Variants in NRG3 observed in about 807,000 individuals in gnomAD.
NRG3 encodes the protein neuregulin 3.
A neutral mutation model predicts 66.9 loss-of-function variants in NRG3; 31 were observed. The observed-to-expected ratio is 0.46, with a 90% CI of 0.35 to 0.63. The LOEUF (loss-of-function observed/expected upper bound fraction) is 0.63. NRG3 is among the 20% of genes least tolerant of loss of function. The pLI is 0.00. For missense variants in NRG3, 910 were observed against 878.9 expected (o/e 1.04, Z -0.45); for synonymous variants, 393 against 359.4 (o/e 1.09, Z -1.06).
chr10:82,559,281 A>G (rs554616491), intron 2 of NRG3, among the ~76,000 whole-genome samples: 5 of 152,284 alleles, frequency 3.3e-5, no homozygotes, highest in African/African-American at 9.6e-5. Context: ...AGATGTATTT[A>G]GGGAATTACC....
At chr10:82,182,665 T>G (rs1457542616) in intron 1 of NRG3, among the ~76,000 whole-genome samples, 4 of 151,980 alleles carry the variant, frequency 2.6e-5, no homozygotes, top group African/African-American at 9.6e-5. Context: ...AATTGATTTA[T>G]GCACCATGCT....
At chr10:82,907,334 G>T (rs1325594038) in intron 4 of NRG3, among the ~76,000 whole-genome samples, 1 of 152,134 alleles carries the variant, frequency 6.6e-6, no homozygotes, top group African/African-American at 2.4e-5. Flanking sequence ...ATTCTGTGGA[G>T]TTGAAGCTAT....
intron 3 of NRG3, among the ~76,000 whole-genome samples, chr10:82,786,947 C>CTT (rs1184466027): frequency 6.6e-6 from 1 of 152,070 alleles, no homozygotes; most frequent in Non-Finnish European, 1.5e-5. Context: ...AGCAAGAAGG[C>CTT]TCTCGCTGTA....
chr10:82,493,108 GT>G (rs967384460), intron 2 of NRG3, among the ~76,000 whole-genome samples: 60 of 145,878 alleles, frequency 4.1e-4, no homozygotes, highest in East Asian at 1.0e-3. Context: ...GTTCAGGTTT[GT>G]TTTTTTTTTT....
At chr10:82,010,581 C>G (rs1409888090) in intron 1 of NRG3, among the ~76,000 whole-genome samples, 1 of 152,176 alleles carries the variant, frequency 6.6e-6, no homozygotes, top group Non-Finnish European at 1.5e-5. Flanking sequence ...TGCTGATCAT[C>G]TACTGCCTAA....
At chr10:82,655,232 A>G (rs1459126301) in intron 2 of NRG3, among the ~76,000 whole-genome samples, 2 of 152,120 alleles carry the variant, frequency 1.3e-5, no homozygotes, top group African/African-American at 4.8e-5. Context: ...TAAAATTGTC[A>G]CATTTAAAAA....
chr10:82,014,556 C>T (rs1564738354), intron 1 of NRG3, among the ~76,000 whole-genome samples: 3 of 152,152 alleles, frequency 2.0e-5, no homozygotes. Context: ...CTCATATAAG[C>T]CCTATGGATC....
intron 1 of NRG3, among the ~76,000 whole-genome samples, chr10:82,309,513 A>G (rs1427359898): frequency 6.6e-6 from 1 of 152,044 alleles, no homozygotes; most frequent in Non-Finnish European, 1.5e-5. Context: ...CCCTTCACTG[A>G]TTGGCTAATG....
intron 1 of NRG3, among the ~76,000 whole-genome samples, chr10:81,897,160 A>C (rs1843603475): frequency 6.6e-6 from 1 of 152,152 alleles, no homozygotes; most frequent in African/African-American, 2.4e-5. Flanking sequence ...GGGACTGAAA[A>C]ATGGCCAGCG....
At chr10:81,936,961 C>A (rs1847936832) in intron 1 of NRG3, among the ~76,000 whole-genome samples, 1 of 152,214 alleles carries the variant, frequency 6.6e-6, no homozygotes, top group Non-Finnish European at 1.5e-5. Flanking sequence ...TTTTGCAGAA[C>A]TGAACCTCAG....
At chr10:82,776,448 G>T (rs1040721460) in intron 3 of NRG3, among the ~76,000 whole-genome samples, 6 of 152,060 alleles carry the variant, frequency 3.9e-5, no homozygotes, top group Non-Finnish European at 8.8e-5. Flanking sequence ...GAGCTTCATG[G>T]ATCTGTATGT....
At chr10:82,050,133 A>T (rs7917541) in intron 1 of NRG3, among the ~76,000 whole-genome samples, 2 of 150,800 alleles carry the variant, frequency 1.3e-5, no homozygotes, top group Non-Finnish European at 3.0e-5. Flanking sequence ...CTTTAACTGC[A>T]CTTTGTGTTC....
chr10:82,105,208 T>G (rs1430020759), intron 1 of NRG3, among the ~76,000 whole-genome samples: 1 of 152,140 alleles, frequency 6.6e-6, no homozygotes, highest in African/African-American at 2.4e-5. Context: ...GGCTCATCAA[T>G]TTTCATTATA....
At chr10:82,288,290 G>A (rs963572503) in intron 1 of NRG3, among the ~76,000 whole-genome samples, 1 of 152,142 alleles carries the variant, frequency 6.6e-6, no homozygotes, top group Non-Finnish European at 1.5e-5. Flanking sequence ...ACTCTCCTGA[G>A]TGGCTATTAT....
intron 1 of NRG3, among the ~76,000 whole-genome samples, chr10:82,078,361 T>A (rs1023119130): frequency 6.6e-6 from 1 of 152,186 alleles, no homozygotes; most frequent in Non-Finnish European, 1.5e-5. Flanking sequence ...TTATTATTGT[T>A]ATTTTTCGAG....
At chr10:82,641,010 GTTTTTTTTTTTTTTTTTTTTTT>G (rs898352861) in intron 2 of NRG3, among the ~76,000 whole-genome samples, 3 of 15,750 alleles carry the variant, frequency 1.9e-4, no homozygotes, top group East Asian at 1.4e-3. Context: ...TCAGTCTGTC[GTTTTTTTTTTTTTTTTTTTTTT>G]TTTTTTTTTT....
At chr10:82,779,420 C>T (rs1009184088) in intron 3 of NRG3, among the ~76,000 whole-genome samples, 6 of 152,114 alleles carry the variant, frequency 3.9e-5, no homozygotes, top group Non-Finnish European at 7.3e-5. Flanking sequence ...GGGCTCTTCA[C>T]GGACCTACTC....
intron 1 of NRG3, among the ~76,000 whole-genome samples, chr10:82,031,558 T>TA (rs977041948): frequency 5.3e-5 from 8 of 152,234 alleles, no homozygotes; most frequent in Admixed American, 1.3e-4. Flanking sequence ...TGTATTTTTC[T>TA]AAAAAAATTC....
chr10:82,271,800 C>T (rs1306914742), intron 1 of NRG3, among the ~76,000 whole-genome samples: 1 of 152,080 alleles, frequency 6.6e-6, no homozygotes, highest in African/African-American at 2.4e-5. Flanking sequence ...GAAGTTTACT[C>T]TCTTAGATTA....
Sources: gnomAD v4.1 joint callset for allele counts (sites outside exome capture counted in the v4.1 genomes callset) on GRCh38, gnomAD v4.1.1 for gene constraint, MANE v1.5 for transcripts, NCBI Gene and HGNC (gene_info 2026-07-23, HGNC 2026-07-21) for gene names.